The following DGLUCY variants were observed in gnomAD, a reference collection of about 807,000 sequenced individuals.
The protein encoded by DGLUCY is D-glutamate cyclase.
A neutral mutation model predicts 58.5 loss-of-function variants in DGLUCY; 58 were observed. That is an observed-to-expected ratio of 0.99 (90% CI 0.80 to 1.23). The LOEUF (loss-of-function observed/expected upper bound fraction) is 1.23, where lower values mean the gene tolerates loss of function less well. Ranked by LOEUF, DGLUCY falls within the 50% of genes most tolerant of loss-of-function variation. The pLI, the probability that DGLUCY is intolerant of heterozygous loss-of-function variation, is 0.00. For missense variants in DGLUCY, 779 were observed against 784.7 expected, an observed-to-expected ratio of 0.99 and a Z score of 0.09; for synonymous variants, 325 against 314.1, an observed-to-expected ratio of 1.03 and a Z score of -0.37.
upstream of DGLUCY, among the ~76,000 whole-genome samples, chr14:91,103,377 A>G (rs890515321): frequency 6.6e-6 from 1 of 152,046 alleles, no homozygotes; most frequent in African/African-American, 2.4e-5. Flanking sequence ...GCACTCCAAG[A>G]TAAGAATTCT....
upstream of DGLUCY, among the ~76,000 whole-genome samples, chr14:91,112,517 G>C (rs1035318362): frequency 1.3e-5 from 2 of 152,218 alleles, no homozygotes; most frequent in Non-Finnish European, 2.9e-5. Context: ...ATGGCACCCT[G>C]GGTGGGTGAG....
intron 1 of DGLUCY, among the ~76,000 whole-genome samples, chr14:91,150,958 C>G (rs1415196174): frequency 3.3e-5 from 5 of 152,176 alleles, no homozygotes; most frequent in African/African-American, 7.2e-5. Context: ...CGGTAACTCC[C>G]CATTCCCCAC....
intron 1 of DGLUCY, among the ~76,000 whole-genome samples, chr14:91,099,528 CA>C (rs11349730): frequency 0.8 from 107,018 of 134,570 alleles, 41,931 homozygotes; most frequent in Non-Finnish European, 0.83. Context: ...GACCCAATCT[CA>C]AAAAAAAAAA....
At chr14:91,194,617 T>C (rs1276644075) in intron 9 of DGLUCY, among the ~76,000 whole-genome samples, 1 of 151,624 alleles carries the variant, frequency 6.6e-6, no homozygotes, top group African/African-American at 2.4e-5. Context: ...CTTGGCTCAC[T>C]GCAACCTCCG....
chr14:91,223,540 A>G (rs1339172977), intron 13 of DGLUCY: 3 of 473,664 alleles, frequency 6.3e-6, no homozygotes, highest in African/African-American at 6.1e-5. Flanking sequence ...CTTAAGGCTC[A>G]CTGTCCTTAG....
At chr14:91,188,082 G>A (rs2049632927) in intron 8 of DGLUCY, among the ~76,000 whole-genome samples, 1 of 152,136 alleles carries the variant, frequency 6.6e-6, no homozygotes, top group South Asian at 2.1e-4. Flanking sequence ...GCAGAAGTGT[G>A]TTCCTCTCTC....
At chr14:91,202,990 A>G (rs1480854290) in intron 11 of DGLUCY, among the ~76,000 whole-genome samples, 2 of 152,156 alleles carry the variant, frequency 1.3e-5, no homozygotes, top group Non-Finnish European at 2.9e-5. Context: ...GGCAACTGCC[A>G]TGTCATGGGC....
chr14:91,186,478 CATGGATCAGGTG>C (rs1407740282), intron 8 of DGLUCY, among the ~76,000 whole-genome samples: 2 of 152,046 alleles, frequency 1.3e-5, no homozygotes, highest in East Asian at 3.8e-4. Flanking sequence ...AGCTCCTGAC[CATGGATCAGGTG>C]ATGGATCAGG....
intron 1 of DGLUCY, among the ~76,000 whole-genome samples, chr14:91,118,934 A>G (rs1440960597): frequency 2.0e-5 from 3 of 152,168 alleles, no homozygotes; most frequent in Non-Finnish European, 4.4e-5. Context: ...CCTGGGCAAC[A>G]TAGTGAGACC....
At chr14:91,097,377 C>T (rs1197163246) in intron 1 of DGLUCY, among the ~76,000 whole-genome samples, 4 of 151,918 alleles carry the variant, frequency 2.6e-5, no homozygotes, top group Non-Finnish European at 5.9e-5. Context: ...GCTTGGGTGA[C>T]AGAGCGAGAC....
chr14:91,110,205 C>T (rs2044669714), upstream of DGLUCY, among the ~76,000 whole-genome samples: 1 of 152,172 alleles, frequency 6.6e-6, no homozygotes, highest in South Asian at 2.1e-4. Flanking sequence ...AGCAATTTTG[C>T]CTGGATCTCA....
chr14:91,107,409 T>G (rs1334612424), upstream of DGLUCY, among the ~76,000 whole-genome samples: 4 of 151,830 alleles, frequency 2.6e-5, no homozygotes, highest in Non-Finnish European at 4.4e-5. Flanking sequence ...TCCCAGCTAC[T>G]TGGGAGGCTG....
chr14:91,104,187 T>G (rs915247682), upstream of DGLUCY, among the ~76,000 whole-genome samples: 1 of 150,404 alleles, frequency 6.6e-6, no homozygotes, highest in Non-Finnish European at 1.5e-5. Flanking sequence ...CTCAGCCTCC[T>G]GAGTAGCTGG....
chr14:91,220,118 T>G (rs889711880), intron 13 of DGLUCY, among the ~76,000 whole-genome samples: 1 of 152,202 alleles, frequency 6.6e-6, no homozygotes, highest in African/African-American at 2.4e-5. Context: ...CCAAGTCCTT[T>G]GTAAAAACAT....
intron 8 of DGLUCY, among the ~76,000 whole-genome samples, chr14:91,183,827 GGAAACGGTAAGT>G (rs1398074649): frequency 6.6e-6 from 1 of 152,152 alleles, no homozygotes; most frequent in African/African-American, 2.4e-5. Context: ...GAATCTCAAT[GGAAACGGTAAGT>G]CACAGTCTTG....
At chr14:91,073,114 A>C (rs568341267) in intron 1 of DGLUCY, among the ~76,000 whole-genome samples, 5 of 152,226 alleles carry the variant, frequency 3.3e-5, no homozygotes, top group African/African-American at 1.2e-4. Context: ...ACCCATGATT[A>C]TGTGATTTAT....
intron 1 of DGLUCY, among the ~76,000 whole-genome samples, chr14:91,092,973 A>G (rs988862830): frequency 6.6e-6 from 1 of 151,706 alleles, no homozygotes; most frequent in Non-Finnish European, 1.5e-5. Flanking sequence ...GGTCCCAGCT[A>G]CTCGGGAGGC....
At chr14:91,146,161 C>G (rs560038657) in intron 1 of DGLUCY, among the ~76,000 whole-genome samples, 1 of 152,336 alleles carries the variant, frequency 6.6e-6, no homozygotes, top group East Asian at 1.9e-4. Context: ...CGTGTACCAC[C>G]ATGCCTGGCC....
chr14:91,121,427 G>A (rs550608514), intron 1 of DGLUCY, among the ~76,000 whole-genome samples: 48 of 152,056 alleles, frequency 3.2e-4, no homozygotes, highest in African/African-American at 1.0e-3. Flanking sequence ...AGTGGCTCAC[G>A]CCTGTAATCT....
Sources: allele counts gnomAD v4.1 joint callset (sites outside exome capture counted in the v4.1 genomes callset), GRCh38; gene constraint gnomAD v4.1.1; transcripts MANE v1.5; gene names NCBI Gene and HGNC (gene_info 2026-07-23, HGNC 2026-07-21).